Variants in ADGRL3 observed in about 807,000 individuals in gnomAD.
ADGRL3 encodes adhesion G protein-coupled receptor L3.
Under a neutral mutation model 153.5 loss-of-function variants are expected in ADGRL3, and 62 were observed. The ratio of observed to expected loss-of-function variants is 0.40; its 90% CI spans 0.33 to 0.50. ADGRL3 has a LOEUF of 0.50. Ranked by LOEUF, ADGRL3 falls within the 20% of genes least tolerant of loss-of-function variation. The pLI, the probability that ADGRL3 is intolerant of heterozygous loss-of-function variation, is 0.47. For synonymous variants in ADGRL3, 710 were observed against 672.5 expected (o/e 1.06, Z -0.86); for missense variants, 1,641 against 1,859.4 (o/e 0.88, Z 2.16).
intron 1 of ADGRL3, among the ~76,000 whole-genome samples, chr4:61,224,708 G>A (rs1747143734): frequency 6.6e-6 from 1 of 152,138 alleles, no homozygotes; most frequent in Admixed American, 6.5e-5. Flanking sequence ...CAGACTCAGC[G>A]GCCTGGCTAA....
chr4:61,285,081 A>G (rs1162863470), intron 1 of ADGRL3, among the ~76,000 whole-genome samples: 4 of 151,752 alleles, frequency 2.6e-5, no homozygotes, highest in African/African-American at 7.2e-5. Flanking sequence ...TGAGAGAGAA[A>G]CTACTTAATC....
intron 4 of ADGRL3, among the ~76,000 whole-genome samples, chr4:61,579,771 T>C (rs1483596674): frequency 6.6e-6 from 1 of 152,126 alleles, no homozygotes; most frequent in Non-Finnish European, 1.5e-5. Context: ...TTTTTAATTG[T>C]CACTTTGTTA....
chr4:61,496,516 A>G (rs991227947), intron 2 of ADGRL3, among the ~76,000 whole-genome samples: 1 of 152,056 alleles, frequency 6.6e-6, no homozygotes, highest in African/African-American at 2.4e-5. Flanking sequence ...ATACAAAATT[A>G]GCTGGGGTGA....
rs191607395 is a variant in ADGRL3 at position 61,812,769 on chromosome 4, A to C, written c.1400-1040A>C. Among the ~76,000 whole-genome samples the C allele has an allele frequency of 3.2e-3, 483 of 152,302 alleles. 2 individuals are homozygous for C. The highest frequency in any genetic ancestry group is 4.5e-3 in the Non-Finnish European group (304 of 68,018). ...TTTTCAAATCAGCATCTTGGCCTTA[A>C]AATTCACTTTAATGCTTTCATCTCA... On this transcript the variant is annotated intron_variant, in intron 8 of 26. Transcript: ENST00000683033.
chr4:61,991,586 C>T (rs1222601109), intron 19 of ADGRL3, among the ~76,000 whole-genome samples: 2 of 151,910 alleles, frequency 1.3e-5, no homozygotes, highest in Non-Finnish European at 2.9e-5. Flanking sequence ...TGTAGCAGAA[C>T]CTCAAATGCT....
intron 5 of ADGRL3, among the ~76,000 whole-genome samples, chr4:61,631,253 C>A (rs1366997959): frequency 6.6e-6 from 1 of 152,124 alleles, no homozygotes; most frequent in Non-Finnish European, 1.5e-5. Flanking sequence ...ATGGAATAGT[C>A]ATAACCAGTG....
At chr4:61,329,060 AC>A (rs1026007585) in intron 1 of ADGRL3, among the ~76,000 whole-genome samples, 4 of 152,178 alleles carry the variant, frequency 2.6e-5, no homozygotes, top group African/African-American at 9.6e-5. Context: ...TAGTTGCTCA[AC>A]AAAAAGAGCT....
intron 9 of ADGRL3, among the ~76,000 whole-genome samples, chr4:61,814,592 T>C (rs1417726167): frequency 6.6e-6 from 1 of 152,160 alleles, no homozygotes; most frequent in Non-Finnish European, 1.5e-5. Flanking sequence ...AAGGTTAACT[T>C]TTTGGTTTTG....
intron 6 of ADGRL3, among the ~76,000 whole-genome samples, chr4:61,680,415 T>C (rs1198418388): frequency 9.0e-4 from 53 of 58,578 alleles, no homozygotes; most frequent in African/African-American, 2.2e-3. Context: ...CGTGTGTGTG[T>C]GTGTGTGTGT....
At chr4:61,949,033 A>G (rs1022020863) in intron 17 of ADGRL3, among the ~76,000 whole-genome samples, 6 of 151,170 alleles carry the variant, frequency 4.0e-5, no homozygotes, top group African/African-American at 1.5e-4. Flanking sequence ...AAAAAAAAAC[A>G]CTAAGCAGGT....
intron 1 of ADGRL3, among the ~76,000 whole-genome samples, chr4:61,232,602 C>T (rs2149207558): frequency 6.6e-6 from 1 of 152,218 alleles, no homozygotes; most frequent in Admixed American, 6.5e-5. Flanking sequence ...AGCCACCGTG[C>T]CCAGCCCCAA....
chr4:61,614,157 CACAGA>C (rs2091726237), intron 5 of ADGRL3, among the ~76,000 whole-genome samples: 1 of 152,082 alleles, frequency 6.6e-6, no homozygotes, highest in African/African-American at 2.4e-5. Context: ...TACCAGCCAG[CACAGA>C]AGTGAAAATT....
chr4:61,889,397 G>A (rs2098557080), intron 9 of ADGRL3, among the ~76,000 whole-genome samples: 1 of 152,184 alleles, frequency 6.6e-6, no homozygotes, highest in African/African-American at 2.4e-5. Context: ...AGATGAGGAA[G>A]CATTATAATG....
At chr4:61,223,869 A>G (rs984151150) in intron 1 of ADGRL3, among the ~76,000 whole-genome samples, 2 of 152,200 alleles carry the variant, frequency 1.3e-5, no homozygotes, top group African/African-American at 4.8e-5. Context: ...GTTTCCAAAT[A>G]TAACACTCTG....
At chr4:61,885,072 T>C (rs2098530268) in intron 9 of ADGRL3, among the ~76,000 whole-genome samples, 1 of 149,380 alleles carries the variant, frequency 6.7e-6, no homozygotes, top group African/African-American at 2.5e-5. Context: ...AGGTCAGGAG[T>C]TCAAGAACAG....
intron 2 of ADGRL3, among the ~76,000 whole-genome samples, chr4:61,434,383 T>C (rs769607199): frequency 3.9e-5 from 6 of 152,094 alleles, no homozygotes; most frequent in Non-Finnish European, 7.4e-5. Context: ...ATGATACATA[T>C]TGACAGGGTG....
Position 61,261,186 on chromosome 4 carries a change from CTTCT to C in ADGRL3, c.-240+59424_-240+59427del, listed in dbSNP as rs1420083257. On this transcript the variant is annotated intron_variant, in intron 1 of 26. Transcript: ENST00000683033. Reference sequence around the variant, plus strand: ...GCTATTTTTTGTTCTTTTTCATCTTCTTCTTTTTTTTTTTTTTTTTTTTTTAAAG... The same window carrying C: ...GCTATTTTTTGTTCTTTTTCATCTTCTTTTTTTTTTTTTTTTTTTTTAAAG... 1.1e-3 allele frequency among the ~76,000 whole-genome samples: 98 copies of C among 89,388 alleles called. No homozygotes were observed. In the East Asian group the frequency reaches 0.015, roughly 13 times the overall value. The allele number at this position is 89,388 out of a possible 152,430, so 58.6% of individuals were successfully genotyped here.
intron 1 of ADGRL3, among the ~76,000 whole-genome samples, chr4:61,319,578 G>A (rs556371435): frequency 1.0e-3 from 158 of 152,124 alleles, no homozygotes; most frequent in Non-Finnish European, 1.8e-3. Context: ...AAAATCAATG[G>A]CCTTAGATCG....
intron 17 of ADGRL3, among the ~76,000 whole-genome samples, chr4:61,949,830 A>G (rs1393000630): frequency 3.9e-5 from 6 of 152,200 alleles, no homozygotes; most frequent in Admixed American, 3.9e-4. Context: ...TGTCATTAGA[A>G]CTAGCATTGG....
Sources: gnomAD v4.1 joint callset for allele counts (sites outside exome capture counted in the v4.1 genomes callset) on GRCh38, gnomAD v4.1.1 for gene constraint, MANE v1.5 for transcripts, NCBI Gene and HGNC (gene_info 2026-07-23, HGNC 2026-07-21) for gene names.